SLC6A15: variants seen among roughly 807,000 people sequenced by gnomAD.
The protein encoded by SLC6A15 is sodium-dependent neutral amino acid transporter B(0)AT2.
SLC6A15 carries 33 observed loss-of-function variants against 68.5 expected under a neutral mutation model. The ratio of observed to expected loss-of-function variants is 0.48; its 90% confidence interval spans 0.37 to 0.64. The LOEUF (loss-of-function observed/expected upper bound fraction) is 0.64, where lower values mean the gene tolerates loss of function less well. SLC6A15 is among the 30% of genes least tolerant of loss of function. SLC6A15 has a pLI of 0.00. For missense variants in SLC6A15, 747 were observed against 874.3 expected (o/e 0.85, Z 1.84); for synonymous variants, 347 against 301.0 (o/e 1.15, Z -1.58).
At position 84,908,278 on chromosome 12, in the gene SLC6A15, C is replaced by G. The variant is rs992272917; in HGVS notation, c.-189+4245G>C. On this transcript the variant is annotated intron_variant, in intron 1 of 11. Coordinates refer to ENST00000266682, the MANE Select transcript of SLC6A15 (RefSeq NM_182767.6). Reference sequence around the variant, plus strand: ...TCAAAATTAAGACTTTTTTTAATACCCTAAAATTATGCCTTTTTTGCTAGT... The same window carrying G: ...TCAAAATTAAGACTTTTTTTAATACGCTAAAATTATGCCTTTTTTGCTAGT... Among the ~76,000 whole-genome samples, 6 of 151,752 alleles carry G rather than the reference C, an allele frequency of 4.0e-5. No individual in the cohort carries two copies. The South Asian group carries it at 1.2e-3, about 31-fold the overall frequency.
At chr12:84,889,235 A>G (rs1177408138) in intron 2 of SLC6A15, among the ~76,000 whole-genome samples, 6 of 152,216 alleles carry the variant, frequency 3.9e-5, no homozygotes, top group Admixed American at 3.9e-4. Context: ...TCATGCCTGT[A>G]GTCCCAGCAC....
intron 8 of SLC6A15, among the ~76,000 whole-genome samples, chr12:84,872,127 G>C (rs1179324775): frequency 6.6e-6 from 1 of 151,066 alleles, no homozygotes; most frequent in South Asian, 2.1e-4. Flanking sequence ...ACTGCACCCC[G>C]GCCTGGGCGA....
At chr12:84,875,752 C>T (rs2949794) in intron 6 of SLC6A15, among the ~76,000 whole-genome samples, 105,575 of 105,580 alleles carry the variant, frequency 1, 52,785 homozygotes, top group Middle Eastern at 1. Flanking sequence ...TATGATTAAG[C>T]CCACACTTAT....
intron 1 of SLC6A15, among the ~76,000 whole-genome samples, chr12:84,906,909 A>T (rs2120740352): frequency 6.6e-6 from 1 of 152,294 alleles, no homozygotes; most frequent in Middle Eastern, 3.4e-3. Flanking sequence ...TCAGAAACAC[A>T]AAAATTGATA....
At chr12:84,888,291 C>CA (rs139560769) in intron 2 of SLC6A15, among the ~76,000 whole-genome samples, 1,710 of 142,254 alleles carry the variant, frequency 0.012, 33 homozygotes, top group African/African-American at 0.042. Context: ...AAAACAAAAA[C>CA]AAAAAAAAGA....
chr12:84,911,430 C>T (rs769287207), intron 1 of SLC6A15, among the ~76,000 whole-genome samples: 3 of 152,178 alleles, frequency 2.0e-5, no homozygotes, highest in African/African-American at 7.2e-5. Flanking sequence ...TACGTCACTG[C>T]GCCGGAGTCC....
chr12:84,908,608 ATAT>A (rs1263032806), intron 1 of SLC6A15, among the ~76,000 whole-genome samples: 3 of 113,754 alleles, frequency 2.6e-5, no homozygotes, highest in Non-Finnish European at 5.8e-5. Context: ...AAACATATAT[ATAT>A]ATATATATAT....
At chr12:84,875,065 G>T (rs1871457062) in intron 6 of SLC6A15, among the ~76,000 whole-genome samples, 1 of 152,064 alleles carries the variant, frequency 6.6e-6, no homozygotes, top group South Asian at 2.1e-4. Context: ...TTACATATAA[G>T]CATTTAAATT....
At position 84,891,947 on chromosome 12, in the gene SLC6A15, T is replaced by C; in HGVS notation, c.174A>G (p.Glu58=). The stretch of plus-strand genomic sequence containing the variant: ...TACTGTTCCAAGCTGGTCTTTCATC[T>C]TCGACTTCAGATCCTTCTTCAACAT... The part of the protein sequence containing the change: ...DTDVEEGSEV[E]DERPAWNSKL... Residue 58 remains glutamate (E), a synonymous_variant, in exon 2 of 12, where the codon GAA becomes GAG. Transcript: ENST00000266682. 6.2e-7 allele frequency: 1 copy of C among 1,614,062 alleles called. No individual in the cohort carries two copies. Among genetic ancestry groups the C allele is most frequent in the Non-Finnish European group, 8.5e-7 (1 of 1,179,986 alleles).
rs922786398 is a variant in SLC6A15, at chr12:84,894,566, A to T, written c.-188-2258T>A. ...ACATTTTACAAAGAAAAAAAATTTT[A>T]AATAGTGTGAACCATGAATCTCCCC... On this transcript the variant is annotated intron_variant, in intron 1 of 11. Transcript: ENST00000266682. Among the ~76,000 whole-genome samples the T allele has an allele frequency of 2.4e-4, 37 of 152,274 alleles. 1 individual carries two copies. The East Asian group carries it at 3.7e-3, about 15-fold the overall frequency.
At chr12:84,867,013 C>T (rs1162162766) in intron 10 of SLC6A15, 21 bp downstream of exon 10, 2 of 1,519,958 alleles carry the variant, frequency 1.3e-6, no homozygotes, top group Non-Finnish European at 1.8e-6. Flanking sequence ...AAAGTGAATA[C>T]ATAAAAGCAA....
At chr12:84,889,509 T>A (rs886394415) in intron 2 of SLC6A15, among the ~76,000 whole-genome samples, 5 of 138,356 alleles carry the variant, frequency 3.6e-5, no homozygotes, top group Admixed American at 6.8e-5. Flanking sequence ...AAAATAAAAA[T>A]AAAAATAAAA....
intron 2 of SLC6A15, among the ~76,000 whole-genome samples, chr12:84,890,757 T>C (rs1357041358): frequency 1.3e-5 from 2 of 152,214 alleles, no homozygotes; most frequent in Non-Finnish European, 2.9e-5. Flanking sequence ...GCATGGGTTT[T>C]ATTATTTTAT....
intron 1 of SLC6A15, among the ~76,000 whole-genome samples, chr12:84,902,565 T>G (rs112809032): frequency 6.6e-6 from 1 of 152,074 alleles, no homozygotes; most frequent in South Asian, 2.1e-4. Flanking sequence ...ATAGCAGCTT[T>G]ACTTATAATA....
At position 84,873,159 on chromosome 12, in the gene SLC6A15, A is replaced by G. The variant is rs1187628413; in HGVS notation, c.1037T>C (p.Val346Ala). ...TGCAAACACCACCAATGTTGCCAGG[A>G]CAGAAGTGAAAAAATTGATGAAGGA... ...LVSFINFFTSVLATLVVFAVL... is the reference protein window; with the variant it reads ...LVSFINFFTSALATLVVFAVL... The change falls in exon 7 of 12, where the codon GTC (valine) becomes GCC (alanine). Residue 346 changes from valine to alanine, a missense_variant. Coordinates refer to ENST00000266682, the MANE Select transcript of SLC6A15 (RefSeq NM_182767.6). 1.2e-5 allele frequency: 19 copies of G among 1,614,014 alleles called. No homozygotes were observed. In the East Asian group the frequency reaches 2.9e-4, roughly 25 times the overall value.
At chr12:84,893,815 A>C (rs1190563061) in intron 1 of SLC6A15, among the ~76,000 whole-genome samples, 1 of 152,200 alleles carries the variant, frequency 6.6e-6, no homozygotes, top group African/African-American at 2.4e-5. Flanking sequence ...TTTAAAATTA[A>C]AATATATACC....
intron 8 of SLC6A15, among the ~76,000 whole-genome samples, chr12:84,872,156 CAA>C (rs397944851): frequency 1.5e-4 from 14 of 90,392 alleles, no homozygotes; most frequent in Admixed American, 1.2e-4. Context: ...GACTACGGCT[CAA>C]AAAAAAAAAA....
chr12:84,911,722 T>C lies in SLC6A15; in HGVS notation c.-189+801A>G, dbSNP rs558728092. 5.3e-5 allele frequency among the ~76,000 whole-genome samples: 8 copies of C among 152,200 alleles called. No homozygotes were observed. In the East Asian group the frequency reaches 1.5e-3, roughly 29 times the overall value. On this transcript the variant is annotated intron_variant, in intron 1 of 11. Transcript: ENST00000266682. The stretch of plus-strand genomic sequence containing the variant: ...TTCCCTGTACTCAATACCGTCTTCT[T>C]CCCAGTCACACACAGACCAGCCTAG...
chr12:84,883,637 A>G, intron 5 of SLC6A15: 1 of 1,438,800 alleles, frequency 7.0e-7, no homozygotes, highest in Non-Finnish European at 9.2e-7. Context: ...TGAAATAAGG[A>G]AAGATTATAA....
Sources: gnomAD v4.1 joint callset for allele counts (sites outside exome capture counted in the v4.1 genomes callset) on GRCh38, gnomAD v4.1.1 for gene constraint, MANE v1.5 for transcripts, NCBI Gene and HGNC (gene_info 2026-07-23, HGNC 2026-07-21) for gene names.